Variants in DOCK5 observed in about 807,000 individuals in gnomAD.
DOCK5 encodes dedicator of cytokinesis 5.
A neutral mutation model predicts 251.8 loss-of-function variants in DOCK5; 142 were observed. The observed-to-expected ratio is 0.56, with a 90% CI of 0.49 to 0.65. DOCK5 has a LOEUF of 0.65. Among genes scored for constraint, DOCK5 ranks in the 30% least tolerant of loss-of-function variants. The pLI is 0.00. For synonymous variants in DOCK5, 842 were observed against 835.5 expected (o/e 1.01, Z -0.13); for missense variants, 2,111 against 2,312.3 (o/e 0.91, Z 1.79).
In DOCK5 at chr8:25,246,713, T is replaced by C. The variant is rs1469332217; in HGVS notation, c.127+2956T>C. On this transcript the variant is annotated intron_variant, in intron 2 of 51. Transcript: ENST00000276440. ...TCACTGCCATGTTAGTTTGTGTGTG[T>C]GTGTGTGTGTGTGTGTGTGTGTGTG... 1.1e-3 allele frequency among the ~76,000 whole-genome samples: 119 copies of C among 111,480 alleles called. 1 individual carries two copies. Among genetic ancestry groups the C allele is most frequent in the African/African-American group, 2.7e-3 (52 of 19,416 alleles). The allele number at this position is 111,480 out of a possible 152,430, so 73.1% of individuals were successfully genotyped here. A position where few individuals can be genotyped will look rare whatever the true frequency, so the allele number is the denominator to read the frequency against.
intron 51 of DOCK5, among the ~76,000 whole-genome samples, chr8:25,410,707 C>A (rs544895491): frequency 1.8e-4 from 25 of 138,462 alleles, no homozygotes; most frequent in Non-Finnish European, 2.7e-4. Flanking sequence ...AGTGATCCCC[C>A]CCACCCACCT....
chr8:25,296,369 G>T, intron 6 of DOCK5, 144 bp from the exon 7 acceptor site: 3 of 1,047,600 alleles, frequency 2.9e-6, no homozygotes, highest in Non-Finnish European at 4.0e-6. Context: ...ACTGAAATGA[G>T]AAAAGTCAAT....
chr8:25,366,566 C>A (rs992978166), intron 30 of DOCK5, among the ~76,000 whole-genome samples: 1 of 152,096 alleles, frequency 6.6e-6, no homozygotes, highest in Non-Finnish European at 1.5e-5. Context: ...GTTTGGCAAA[C>A]TTTTAGGACT....
chr8:25,392,068 C>A, intron 43 of DOCK5, 88 bp downstream of exon 43: 2 of 1,222,610 alleles, frequency 1.6e-6, no homozygotes, highest in South Asian at 1.3e-5. Flanking sequence ...TTCTGGGAGG[C>A]CGATGCGGGC....
chr8:25,247,120 C>T (rs2117554019), intron 2 of DOCK5, among the ~76,000 whole-genome samples: 1 of 152,138 alleles, frequency 6.6e-6, no homozygotes, highest in Non-Finnish European at 1.5e-5. Flanking sequence ...AAACTCCTGG[C>T]CTCAAATGAT....
At chr8:25,279,314 A>G (rs1238099686) in intron 5 of DOCK5, among the ~76,000 whole-genome samples, 1 of 152,184 alleles carries the variant, frequency 6.6e-6, no homozygotes, top group African/African-American at 2.4e-5. Context: ...GTAATAAACA[A>G]TAAGCTCAAG....
intron 13 of DOCK5, among the ~76,000 whole-genome samples, chr8:25,311,592 A>G (rs540127823): frequency 3.3e-4 from 50 of 151,438 alleles, no homozygotes; most frequent in African/African-American, 1.2e-3. Flanking sequence ...TGTTAGAAAA[A>G]TTCTAGAAAA....
intron 2 of DOCK5, among the ~76,000 whole-genome samples, chr8:25,246,704 T>TCGTGTGTGTGTGTGTG (rs1414412892): frequency 1.1e-5 from 1 of 89,606 alleles, no homozygotes; most frequent in African/African-American, 4.0e-5. Flanking sequence ...CCATGTTAGT[T>TCGTGTGTGTGTGTGTG]TGTGTGTGTG....
chr8:25,317,673 C>T (rs529801548), intron 14 of DOCK5, among the ~76,000 whole-genome samples: 86 of 152,196 alleles, frequency 5.7e-4, no homozygotes, highest in African/African-American at 2.0e-3. Flanking sequence ...TGCAGTGGCA[C>T]GATCTCCACT....
chr8:25,194,500 A>C (rs890822959), intron 1 of DOCK5, among the ~76,000 whole-genome samples: 1 of 152,018 alleles, frequency 6.6e-6, no homozygotes, highest in African/African-American at 2.4e-5. Context: ...AAGTCTTGCC[A>C]TAGCCTGGCT....
intron 40 of DOCK5, among the ~76,000 whole-genome samples, chr8:25,383,179 A>C (rs1003080316): frequency 1.3e-5 from 2 of 152,218 alleles, no homozygotes; most frequent in Admixed American, 1.3e-4. Context: ...TTTTATTATA[A>C]TAATAATGAC....
rs1381528129 is a variant in DOCK5, at chr8:25,210,065, TGTG to T, written c.43+25115_43+25117del. Among the ~76,000 whole-genome samples, 81 of 25,970 alleles carry T rather than the reference TGTG, an allele frequency of 3.1e-3. 13 individuals are homozygous for T. The highest frequency in any genetic ancestry group is 5.9e-3 in the Admixed American group (10 of 1,706). The allele number at this position is 25,970 out of a possible 152,430, so 17.0% of individuals were successfully genotyped here. Reference sequence around the variant, plus strand: ...GTGTGTGTGTGTGTGTGTGTGTGTGTGTGTATCTGTCTATTTATCTATCTATCT... The same window carrying T: ...GTGTGTGTGTGTGTGTGTGTGTGTGTTATCTGTCTATTTATCTATCTATCT... On this transcript the variant is annotated intron_variant, in intron 1 of 51. Coordinates refer to ENST00000276440, the MANE Select transcript of DOCK5 (RefSeq NM_024940.8).
intron 1 of DOCK5, among the ~76,000 whole-genome samples, chr8:25,232,348 G>A (rs1359798214): frequency 1.4e-5 from 2 of 146,734 alleles, no homozygotes; most frequent in African/African-American, 5.1e-5. Flanking sequence ...TTCAAGGTTT[G>A]CATTTAAGCT....
intron 26 of DOCK5, 69 bp downstream of exon 26, chr8:25,345,680 C>T (rs1299586418): frequency 1.1e-5 from 17 of 1,571,914 alleles, no homozygotes; most frequent in Non-Finnish European, 1.5e-5. Context: ...AGGAGTGACT[C>T]CGTGGCCTTC....
chr8:25,349,280 CTATGAAAAACAG>C (rs1800425426), intron 26 of DOCK5, among the ~76,000 whole-genome samples: 2 of 152,116 alleles, frequency 1.3e-5, no homozygotes, highest in Non-Finnish European at 2.9e-5. Context: ...AGTACGACGA[CTATGAAAAACAG>C]TATGAAAAAC....
Position 25,243,663 on chromosome 8 carries a change from C to A in DOCK5, c.44-11C>A. 1 of 1,611,450 alleles carries A rather than the reference C, an allele frequency of 6.2e-7. No homozygotes were observed. The highest frequency in any genetic ancestry group is 8.5e-7 in the Non-Finnish European group (1 of 1,178,724). On this transcript the variant is annotated splice_polypyrimidine_tract_variant and intron_variant, in intron 1 of 51. Coordinates refer to ENST00000276440, the MANE Select transcript of DOCK5 (RefSeq NM_024940.8). Reference sequence around the variant, plus strand: ...GCATTCTAATTTCCCTTTTTTATTTCTCATTTCCAGCGATCTATAACTACA... The same window carrying A: ...GCATTCTAATTTCCCTTTTTTATTTATCATTTCCAGCGATCTATAACTACA...
chr8:25,190,775 G>GATTT lies in DOCK5; in HGVS notation c.43+5824_43+5825insATTT, dbSNP rs755511798. Reference sequence around the variant, plus strand: ...AAGGCCTGGCCTTAACTTGGTCATGGGTTTTTTTTTTTTTTTTTTTTTTTT... The same window carrying GATTT: ...AAGGCCTGGCCTTAACTTGGTCATGGATTTGTTTTTTTTTTTTTTTTTTTTTTTT... On this transcript the variant is annotated intron_variant, in intron 1 of 51. Transcript: ENST00000276440. 5.6e-3 allele frequency among the ~76,000 whole-genome samples: 301 copies of GATTT among 53,958 alleles called. 11 individuals carry two copies. The highest frequency in any genetic ancestry group is 7.4e-3 in the South Asian group (11 of 1,494). 35.4% of individuals were successfully genotyped at this position (53,958 alleles called of 152,430 possible).
intron 1 of DOCK5, among the ~76,000 whole-genome samples, chr8:25,197,575 C>CT (rs541455591): frequency 0.028 from 3,074 of 108,054 alleles, 457 homozygotes; most frequent in African/African-American, 0.075. Flanking sequence ...GTGTCTTTGT[C>CT]TTTTTTTTTT....
At chr8:25,215,149 T>C (rs763120412) in intron 1 of DOCK5, among the ~76,000 whole-genome samples, 2 of 152,176 alleles carry the variant, frequency 1.3e-5, no homozygotes, top group Non-Finnish European at 2.9e-5. Context: ...ATATGGTTCT[T>C]CAGGCCAGGG....
Sources: gnomAD v4.1 joint callset for allele counts (sites outside exome capture counted in the v4.1 genomes callset) on GRCh38, gnomAD v4.1.1 for gene constraint, MANE v1.5 for transcripts, NCBI Gene and HGNC (gene_info 2026-07-23, HGNC 2026-07-21) for gene names.